The following TANGO6 variants were observed in gnomAD, a reference collection of about 807,000 sequenced individuals.
The protein encoded by TANGO6 is transport and Golgi organization protein 6 homolog.
TANGO6 carries 90 observed loss-of-function variants against 114.2 expected under a neutral mutation model. The observed-to-expected ratio is 0.79, with a 90% CI of 0.66 to 0.94. The LOEUF (loss-of-function observed/expected upper bound fraction) is 0.94, where lower values mean the gene tolerates loss of function less well. TANGO6 is among the 40% of genes least tolerant of loss of function. The probability of loss-of-function intolerance (pLI) is 0.00; values close to 1 mark genes in which losing one functional copy is unlikely to be tolerated. For missense variants in TANGO6, 1,274 were observed against 1,315.3 expected (o/e 0.97, Z 0.49); for synonymous variants, 477 against 509.8 (o/e 0.94, Z 0.87).
intron 15 of TANGO6, among the ~76,000 whole-genome samples, chr16:68,986,128 A>T (rs1024233973): frequency 6.6e-6 from 1 of 152,188 alleles, no homozygotes; most frequent in African/African-American, 2.4e-5. Flanking sequence ...TAGAGGCAGA[A>T]TGTAGCCTTG....
At chr16:68,912,828 C>G (rs1962941688) in intron 11 of TANGO6, among the ~76,000 whole-genome samples, 1 of 150,822 alleles carries the variant, frequency 6.6e-6, no homozygotes, top group Non-Finnish European at 1.5e-5. Flanking sequence ...GTAATCCCAG[C>G]ACTTTGGGAG....
intron 15 of TANGO6, among the ~76,000 whole-genome samples, chr16:68,994,684 C>T (rs1354521037): frequency 6.6e-6 from 1 of 151,760 alleles, no homozygotes; most frequent in South Asian, 2.1e-4. Flanking sequence ...AAACAATCCT[C>T]CCACTTGAGC....
At chr16:68,973,101 T>G in intron 14 of TANGO6, 1 of 455,888 alleles carries the variant, frequency 2.2e-6, no homozygotes, top group East Asian at 7.0e-5. Flanking sequence ...GGGCCAGACT[T>G]ATGATTCAAA....
At chr16:68,977,220 G>A (rs768523894) in intron 15 of TANGO6, among the ~76,000 whole-genome samples, 1 of 151,970 alleles carries the variant, frequency 6.6e-6, no homozygotes, top group South Asian at 2.1e-4. Context: ...TGACTGTTCT[G>A]GCTAAGGATG....
chr16:68,978,265 G>A (rs1309593683), intron 15 of TANGO6, among the ~76,000 whole-genome samples: 1 of 152,174 alleles, frequency 6.6e-6, no homozygotes, highest in Non-Finnish European at 1.5e-5. Flanking sequence ...GTCCCCATTG[G>A]CCAGTCCAAA....
intron 7 of TANGO6, among the ~76,000 whole-genome samples, chr16:68,894,043 A>G (rs1465830767): frequency 2.0e-5 from 3 of 152,142 alleles, no homozygotes; most frequent in Non-Finnish European, 2.9e-5. Flanking sequence ...CACCAGTCCA[A>G]TGTGGAGGAG....
At chr16:68,877,984 A>G in intron 5 of TANGO6, 134 bp from the exon 6 acceptor site, 1 of 715,388 alleles carries the variant, frequency 1.4e-6, no homozygotes, top group Non-Finnish European at 2.1e-6. Context: ...ATGTTAAATT[A>G]AAAGAATTCT....
chr16:68,871,997 C>G (rs1962278111), intron 4 of TANGO6, among the ~76,000 whole-genome samples: 1 of 152,056 alleles, frequency 6.6e-6, no homozygotes, highest in African/African-American at 2.4e-5. Context: ...TTTAGGAGGC[C>G]AACGTGGGCG....
rs372779148 is a variant in TANGO6, at chr16:68,966,841, AGCTCACTGTAACATC to A, written c.2702-7186_2702-7172del. On this transcript the variant is annotated intron_variant, in intron 14 of 17. Coordinates refer to ENST00000261778, the MANE Select transcript of TANGO6 (RefSeq NM_024562.2). ...GGCTGGAGTGCAGTGGCATGATCTC[AGCTCACTGTAACATC>A]TGCCCTCTGGGTTCAAGCAATTTTC... Among the ~76,000 whole-genome samples, 37 of 147,168 alleles carry A rather than the reference AGCTCACTGTAACATC, an allele frequency of 2.5e-4. 1 individual carries two copies. The East Asian group carries it at 6.6e-3, about 26-fold the overall frequency.
chr16:68,982,537 C>T (rs1056617523), intron 15 of TANGO6, among the ~76,000 whole-genome samples: 13 of 151,932 alleles, frequency 8.6e-5, no homozygotes, highest in African/African-American at 2.9e-4. Context: ...ACCATGTTGG[C>T]CAGGCTGGTC....
intron 17 of TANGO6, among the ~76,000 whole-genome samples, chr16:69,069,370 C>G (rs1010435065): frequency 6.6e-6 from 1 of 152,228 alleles, no homozygotes; most frequent in Non-Finnish European, 1.5e-5. Context: ...TCTGTTCCCT[C>G]TCACATCTCT....
chr16:68,912,257 G>A (rs1488558184), intron 11 of TANGO6, among the ~76,000 whole-genome samples: 1 of 152,172 alleles, frequency 6.6e-6, no homozygotes, highest in East Asian at 1.9e-4. Flanking sequence ...TAGCACTTTG[G>A]GAGTCTGAAG....
At chr16:69,007,940 A>G (rs902987075) in intron 15 of TANGO6, among the ~76,000 whole-genome samples, 1 of 152,146 alleles carries the variant, frequency 6.6e-6, no homozygotes, top group African/African-American at 2.4e-5. Flanking sequence ...TTGGACGTTC[A>G]TATATCTTCT....
intron 3 of TANGO6, 158 bp downstream of exon 3, chr16:68,863,219 A>G: frequency 2.0e-6 from 1 of 507,058 alleles, no homozygotes; most frequent in South Asian, 3.5e-5. Context: ...ATAAAACTAG[A>G]TGACGCTGAC....
chr16:69,046,566 T>C (rs1403597175), intron 17 of TANGO6, among the ~76,000 whole-genome samples: 1 of 152,068 alleles, frequency 6.6e-6, no homozygotes, highest in African/African-American at 2.4e-5. Flanking sequence ...TCTGCCCGCC[T>C]CAGCCTCCTT....
chr16:68,920,996 G>A (rs529352817), intron 12 of TANGO6, among the ~76,000 whole-genome samples: 1 of 150,920 alleles, frequency 6.6e-6, no homozygotes, highest in South Asian at 2.1e-4. Context: ...CCAGCTACTC[G>A]GGAGGCTGAG....
At chr16:69,020,624 A>T (rs1045000001) in intron 15 of TANGO6, among the ~76,000 whole-genome samples, 7 of 152,162 alleles carry the variant, frequency 4.6e-5, no homozygotes, top group African/African-American at 1.7e-4. Flanking sequence ...GTGATTAAAA[A>T]TAGGTGACTT....
At chr16:68,959,944 G>A (rs1963572943) in intron 14 of TANGO6, among the ~76,000 whole-genome samples, 1 of 152,158 alleles carries the variant, frequency 6.6e-6, no homozygotes, top group Non-Finnish European at 1.5e-5. Context: ...CCTCCTACCT[G>A]GACCACCCAT....
chr16:69,045,534 G>C (rs1325230996), intron 17 of TANGO6, among the ~76,000 whole-genome samples: 2 of 151,152 alleles, frequency 1.3e-5, no homozygotes, highest in Non-Finnish European at 2.9e-5. Flanking sequence ...ACGAGTTCAG[G>C]AGTTTGAGAC....
Sources: allele counts gnomAD v4.1 joint callset (sites outside exome capture counted in the v4.1 genomes callset), GRCh38; gene constraint gnomAD v4.1.1; transcripts MANE v1.5; gene names NCBI Gene and HGNC (gene_info 2026-07-23, HGNC 2026-07-21).